Variants in LRBA observed in about 807,000 individuals in gnomAD.
LRBA encodes the protein LPS responsive beige-like anchor protein.
In LRBA, 176 loss-of-function variants were observed where a neutral mutation model predicts 330.0. That is an observed-to-expected ratio of 0.53 (90% CI 0.47 to 0.60). The LOEUF (loss-of-function observed/expected upper bound fraction) is 0.60. Ranked by LOEUF, LRBA falls within the 20% of genes least tolerant of loss-of-function variation. The probability of loss-of-function intolerance (pLI) is 0.00; values close to 1 mark genes in which losing one functional copy is unlikely to be tolerated. For synonymous variants in LRBA, 1,230 were observed against 1,193.0 expected (o/e 1.03, Z -0.64); for missense variants, 3,259 against 3,444.8 (o/e 0.95, Z 1.35).
intron 22 of LRBA, among the ~76,000 whole-genome samples, chr4:150,855,534 T>C (rs1381590764): frequency 6.6e-6 from 1 of 152,180 alleles, no homozygotes; most frequent in Non-Finnish European, 1.5e-5. Flanking sequence ...ATATGTAATT[T>C]ATATGTACAG....
chr4:150,418,420 A>T (rs1748097797), intron 46 of LRBA, among the ~76,000 whole-genome samples: 1 of 152,174 alleles, frequency 6.6e-6, no homozygotes, highest in African/African-American at 2.4e-5. Context: ...ACAAACAAGA[A>T]TTTTTAAATA....
intron 48 of LRBA, among the ~76,000 whole-genome samples, chr4:150,339,113 AG>A (rs1331605763): frequency 2.0e-5 from 3 of 152,182 alleles, no homozygotes; most frequent in African/African-American, 7.2e-5. Flanking sequence ...CCCTGAAAGT[AG>A]AAGTGTTCTT....
intron 37 of LRBA, among the ~76,000 whole-genome samples, chr4:150,626,724 C>T (rs569163480): frequency 1.3e-5 from 2 of 152,190 alleles, no homozygotes; most frequent in East Asian, 3.9e-4. Context: ...TAAGATTTCA[C>T]TGCCACATAT....
intron 47 of LRBA, among the ~76,000 whole-genome samples, chr4:150,396,272 C>T (rs1744717154): frequency 6.6e-6 from 1 of 152,168 alleles, no homozygotes; most frequent in South Asian, 2.1e-4. Flanking sequence ...TCTTCAGACT[C>T]AGGGACTTAC....
chr4:150,780,659 ACGTG>A (rs1738072292), intron 34 of LRBA, among the ~76,000 whole-genome samples: 1 of 149,490 alleles, frequency 6.7e-6, no homozygotes, highest in African/African-American at 2.4e-5. Flanking sequence ...GTATATATAT[ACGTG>A]TGTGTGTGTA....
chr4:150,872,709 G>A lies in LRBA; in HGVS notation c.2212C>T (p.Gln738Ter). The A allele has an allele frequency of 6.2e-7, 1 of 1,609,076 alleles. No individual in the cohort carries two copies. Among genetic ancestry groups the A allele is most frequent in the Non-Finnish European group, 8.5e-7 (1 of 1,177,546 alleles). Reference protein sequence around the residue: ...LASKSEGIRVQALKAMGYFLK... With the variant: ...LASKSEGIRV ...AAATAACCCATTGCCTTAAGAGCTT[G>A]TACCCTGATTCCTTCACTTTTCGAT... Residue 738 changes from glutamine (Q) to a stop codon, truncating the protein, a stop_gained, in exon 18 of 57, where the codon CAA becomes TAA. Transcript: ENST00000651943. LOFTEE classifies it high-confidence loss of function.
At chr4:150,515,522 G>C (rs1332917065) in intron 40 of LRBA, among the ~76,000 whole-genome samples, 2 of 152,142 alleles carry the variant, frequency 1.3e-5, no homozygotes, top group Non-Finnish European at 2.9e-5. Flanking sequence ...TGTAGGTACA[G>C]CTAGTAAAAC....
rs1053934101 is a variant in LRBA at position 150,583,898 on chromosome 4, A to C, written c.6330+4150T>G. 34 of 1,613,284 alleles carry C rather than the reference A, an allele frequency of 2.1e-5. No individual in the cohort carries two copies. Among genetic ancestry groups the C allele is most frequent in the Non-Finnish European group, 2.7e-5 (32 of 1,179,614 alleles). On this transcript the variant is annotated intron_variant, in intron 40 of 56. Transcript: ENST00000651943. This position sits in a 1 kb window ranked among gnomAD's most constrained non-coding sequence, Gnocchi z 9.8. ...TGCGAGAAACACCCACGAGAAACGG[A>C]CTGGGACGAGTCGTGCCTGGGCGAC...
intron 36 of LRBA, among the ~76,000 whole-genome samples, chr4:150,734,785 C>T (rs1446673925): frequency 3.9e-5 from 6 of 152,192 alleles, no homozygotes; most frequent in African/African-American, 1.4e-4. Flanking sequence ...TGTGCTCCCT[C>T]ATTTCCTCAG....
intron 40 of LRBA, among the ~76,000 whole-genome samples, chr4:150,584,942 C>T (rs545183096): frequency 2.0e-5 from 3 of 152,264 alleles, no homozygotes; most frequent in East Asian, 1.9e-4. Context: ...TTAAAAGTAA[C>T]ATCTACTTCA....
chr4:150,373,700 C>T (rs1245532897), intron 47 of LRBA, among the ~76,000 whole-genome samples: 2 of 152,206 alleles, frequency 1.3e-5, no homozygotes. Flanking sequence ...AGCTGCCACA[C>T]TTTCCTTCTC....
chr4:150,714,956 G>C (rs1786594901), intron 36 of LRBA, among the ~76,000 whole-genome samples: 1 of 152,042 alleles, frequency 6.6e-6, no homozygotes, highest in African/African-American at 2.4e-5. Context: ...AGATTGCAAA[G>C]AACAAATAAC....
At chr4:150,548,184 T>C (rs1766079555) in intron 40 of LRBA, among the ~76,000 whole-genome samples, 1 of 152,166 alleles carries the variant, frequency 6.6e-6, no homozygotes, top group Non-Finnish European at 1.5e-5. Context: ...TAGTGTCAGA[T>C]ACATAATAAT....
rs758335612 is a variant in LRBA at position 150,467,724 on chromosome 4, T to A, written c.6729A>T (p.Glu2243Asp). The change falls in exon 44 of 57, where the codon GAA becomes GAT. Residue 2243 changes from glutamate (E) to aspartate (D), a missense_variant. Physicochemically the swap from Glu to Asp is conservative, Grantham distance 45 (BLOSUM62 2). Coordinates refer to ENST00000651943, the MANE Select transcript of LRBA (RefSeq NM_001364905.1). ...GCAAGGTAAGATCCAGTTCTTCTGA[T>A]TCATAATTAGTGATGACCCAAGGAA... is the stretch of plus-strand genomic sequence containing the variant. Reference protein sequence around the residue: ...PVFPWVITNYESEELDLTLPT... With the variant: ...PVFPWVITNYDSEELDLTLPT... The A allele has an allele frequency of 1.2e-6, 2 of 1,610,292 alleles. No homozygotes were observed. The highest frequency in any genetic ancestry group is 1.7e-6 in the Non-Finnish European group (2 of 1,177,494).
At chr4:150,839,391 A>G (rs945578373) in intron 28 of LRBA, among the ~76,000 whole-genome samples, 58 of 152,346 alleles carry the variant, frequency 3.8e-4, no homozygotes, top group African/African-American at 1.3e-3. Flanking sequence ...TACTGGGTAT[A>G]TACTCAAAGG....
chr4:150,733,784 TACTG>T (rs1240347709), intron 36 of LRBA, among the ~76,000 whole-genome samples: 4 of 152,262 alleles, frequency 2.6e-5, no homozygotes, highest in East Asian at 1.9e-4. Flanking sequence ...CTTAGCTGGT[TACTG>T]ACTGTCAAAG....
chr4:150,284,503 A>G (rs1185560588), intron 54 of LRBA, among the ~76,000 whole-genome samples: 2 of 152,162 alleles, frequency 1.3e-5, no homozygotes, highest in East Asian at 3.8e-4. Context: ...TTTTCATGTT[A>G]TATGTATAAC....
Position 150,539,392 on chromosome 4 carries a change from G to A in LRBA, c.6331-48357C>T, listed in dbSNP as rs1182330680. On this transcript the variant is annotated intron_variant, in intron 40 of 56. Coordinates refer to ENST00000651943, the MANE Select transcript of LRBA (RefSeq NM_001364905.1). Reference sequence around the variant, plus strand: ...ATTTTTTACCCCAATTTCTAAACTAGGCTATTCTAAGGTATTTTCTTCTTT... The same window carrying A: ...ATTTTTTACCCCAATTTCTAAACTAAGCTATTCTAAGGTATTTTCTTCTTT... 3.9e-5 allele frequency among the ~76,000 whole-genome samples: 6 copies of A among 152,136 alleles called. 1 individual carries two copies. In the South Asian group the frequency reaches 1.0e-3, roughly 26 times the overall value.
intron 47 of LRBA, among the ~76,000 whole-genome samples, chr4:150,362,061 C>T (rs969627909): frequency 3.3e-5 from 5 of 152,088 alleles, no homozygotes; most frequent in Admixed American, 2.6e-4. Context: ...CATGAGCCAC[C>T]GCGCCTCGCC....
Sources: gnomAD v4.1 joint callset for allele counts (sites outside exome capture counted in the v4.1 genomes callset) on GRCh38, gnomAD v4.1.1 for gene constraint, Gnocchi (gnomAD v3.1) non-coding constraint, MANE v1.5 for transcripts, NCBI Gene and HGNC (gene_info 2026-07-23, HGNC 2026-07-21) for gene names.